Variants in NME7 observed in about 807,000 individuals in gnomAD.
NME7 encodes NME/NM23 family member 7.
A neutral mutation model predicts 49.1 loss-of-function variants in NME7; 41 were observed. That is an observed-to-expected ratio of 0.83 (90% CI 0.65 to 1.08). The LOEUF is 1.08. Among genes scored for constraint, NME7 ranks in the 50% least tolerant of loss-of-function variants. The probability of loss-of-function intolerance (pLI) is 0.00; values close to 1 mark genes in which losing one functional copy is unlikely to be tolerated. For synonymous variants in NME7, 139 were observed against 150.6 expected, an observed-to-expected ratio of 0.92 and a Z score of 0.56; for missense variants, 423 against 463.4, an observed-to-expected ratio of 0.91 and a Z score of 0.80.
At chr1:169,284,179 T>C (rs187288394) in intron 7 of NME7, 37 of 152,152 alleles carry the variant, frequency 2.4e-4, no homozygotes, top group African/African-American at 8.2e-4. Context: ...TGGTCTTCTC[T>C]TTTTATTTCA....
At chr1:169,154,760 T>C (rs1431544329) in intron 11 of NME7, among the ~76,000 whole-genome samples, 1 of 150,164 alleles carries the variant, frequency 6.7e-6, no homozygotes, top group African/African-American at 2.5e-5. Context: ...ATCAAGCCAG[T>C]GCACTCCAGT....
At chr1:169,259,817 T>G (rs1649105880) in intron 7 of NME7, among the ~76,000 whole-genome samples, 1 of 134,322 alleles carries the variant, frequency 7.4e-6, no homozygotes, top group African/African-American at 2.5e-5. Flanking sequence ...GAAGAATAAC[T>G]TTTAAAAACG....
At chr1:169,335,753 A>G (rs1652439164) in intron 1 of NME7, among the ~76,000 whole-genome samples, 1 of 147,196 alleles carries the variant, frequency 6.8e-6, no homozygotes, top group Non-Finnish European at 1.5e-5. Context: ...ATACTTTTAT[A>G]TATTAAATAT....
At chr1:169,218,060 T>C (rs1245139651) in intron 10 of NME7, among the ~76,000 whole-genome samples, 1 of 152,216 alleles carries the variant, frequency 6.6e-6, no homozygotes, top group Non-Finnish European at 1.5e-5. Flanking sequence ...ACTTAAATTT[T>C]AGAAATTATG....
At chr1:169,224,507 T>C (rs1661242850) in intron 10 of NME7, among the ~76,000 whole-genome samples, 1 of 152,110 alleles carries the variant, frequency 6.6e-6, no homozygotes, top group Admixed American at 6.5e-5. Context: ...TATATGTATA[T>C]ATATGAATAT....
At chr1:169,231,054 C>T (rs182195540) in intron 9 of NME7, among the ~76,000 whole-genome samples, 33 of 152,280 alleles carry the variant, frequency 2.2e-4, no homozygotes, top group Non-Finnish European at 2.8e-4. Flanking sequence ...TATCATCCGA[C>T]ACTTTCATTA....
chr1:169,181,009 C>A (rs530924430), intron 10 of NME7, among the ~76,000 whole-genome samples: 10 of 152,164 alleles, frequency 6.6e-5, no homozygotes, highest in Middle Eastern at 6.8e-3. Context: ...AAGGGCTGAG[C>A]CAAGACTAAT....
intron 3 of NME7, among the ~76,000 whole-genome samples, chr1:169,319,466 T>G (rs1651774188): frequency 6.6e-6 from 1 of 152,158 alleles, no homozygotes. Flanking sequence ...TTCAAAAGGT[T>G]ATTTAGGTCA....
intron 10 of NME7, among the ~76,000 whole-genome samples, chr1:169,171,840 T>C (rs1406639827): frequency 6.6e-6 from 1 of 151,480 alleles, no homozygotes; most frequent in Non-Finnish European, 1.5e-5. Context: ...ATGAGTTCTC[T>C]ATTTGCTTGT....
chr1:169,241,274 A>G (rs1648076129), intron 7 of NME7, among the ~76,000 whole-genome samples: 2 of 152,070 alleles, frequency 1.3e-5, no homozygotes, highest in Admixed American at 6.6e-5. Context: ...TGATGGTTAA[A>G]AATACAGTAA....
chr1:169,140,678 T>C (rs1658565230), intron 11 of NME7, among the ~76,000 whole-genome samples: 1 of 151,876 alleles, frequency 6.6e-6, no homozygotes, highest in South Asian at 2.1e-4. Flanking sequence ...GAAATTCATT[T>C]TGTGGCTCCC....
Position 169,287,397 on chromosome 1 carries a change from C to A in NME7, c.660G>T (p.Leu220Phe). 1 of 1,591,686 alleles carries A rather than the reference C, an allele frequency of 6.3e-7. No individual in the cohort carries two copies. The highest frequency in any genetic ancestry group is 8.5e-7 in the Non-Finnish European group (1 of 1,170,856). ...CACAACCTCCACTTGAAGGAAAAAA[C>A]AACTCCATTTCCTAAAGACAGAGAG... ...SFASAAREME[L>F]FFPSSGGCGP... is the part of the protein sequence containing the mutation. The change falls in exon 7 of 12, where the codon TTG (leucine) becomes TTT (phenylalanine). Residue 220 changes from leucine (L) to phenylalanine (F), a missense_variant. Coordinates refer to ENST00000367811, the MANE Select transcript of NME7 (RefSeq NM_013330.5).
chr1:169,298,813 T>A, intron 5 of NME7, 50 bp from the exon 6 acceptor site: 1 of 1,439,232 alleles, frequency 6.9e-7, no homozygotes, highest in Non-Finnish European at 9.7e-7. Flanking sequence ...GTCAACTAGG[T>A]ATTTGTCTTA....
intron 10 of NME7, among the ~76,000 whole-genome samples, chr1:169,179,957 TTAAAA>T (rs1404558417): frequency 1.7e-5 from 2 of 118,924 alleles, no homozygotes; most frequent in African/African-American, 6.3e-5. Context: ...ACCCCTGAAC[TTAAAA>T]TAAAAGTTGG....
chr1:169,241,930 A>T (rs12060959), intron 7 of NME7, among the ~76,000 whole-genome samples: 9,425 of 151,784 alleles, frequency 0.062, 385 homozygotes, highest in East Asian at 0.12. Context: ...ATATAAAAAT[A>T]CTTTTTAAAA....
intron 3 of NME7, among the ~76,000 whole-genome samples, chr1:169,318,298 T>C (rs767817974): frequency 2.0e-4 from 31 of 152,330 alleles, no homozygotes; most frequent in Admixed American, 9.1e-4. Flanking sequence ...ATCTATCTCC[T>C]GTGTTAGTTC....
intron 1 of NME7, among the ~76,000 whole-genome samples, chr1:169,366,644 G>C (rs1161867586): frequency 6.6e-6 from 1 of 152,160 alleles, no homozygotes; most frequent in African/African-American, 2.4e-5. Flanking sequence ...CTCTACACTA[G>C]AAATACAAGA....
chr1:169,142,274 C>A (rs1029893050), intron 11 of NME7, among the ~76,000 whole-genome samples: 2 of 152,206 alleles, frequency 1.3e-5, no homozygotes. Flanking sequence ...TCTTTCTATT[C>A]ATCACTTCTG....
intron 10 of NME7, among the ~76,000 whole-genome samples, chr1:169,203,576 GA>G (rs1226416811): frequency 6.6e-6 from 1 of 152,102 alleles, no homozygotes; most frequent in Non-Finnish European, 1.5e-5. Context: ...AGGTAAAGCA[GA>G]GGACATAAAA....
Sources: allele counts gnomAD v4.1 joint callset (sites outside exome capture counted in the v4.1 genomes callset), GRCh38; gene constraint gnomAD v4.1.1; transcripts MANE v1.5; gene names NCBI Gene and HGNC (gene_info 2026-07-23, HGNC 2026-07-21).